Variants in LY6G5C observed in about 807,000 individuals in gnomAD.
LY6G5C encodes the protein lymphocyte antigen 6 complex locus protein G5c.
LY6G5C carries 6 observed loss-of-function variants against 10.5 expected under a neutral mutation model. The ratio of observed to expected loss-of-function variants is 0.57; its 90% CI spans 0.31 to 1.12. LY6G5C has a LOEUF of 1.12. Ranked by LOEUF, LY6G5C falls within the 50% of genes most tolerant of loss-of-function variation. LY6G5C has a pLI of 0.05. For missense variants in LY6G5C, 160 were observed against 185.5 expected, an observed-to-expected ratio of 0.86 and a Z score of 0.80; for synonymous variants, 69 against 67.8, an observed-to-expected ratio of 1.02 and a Z score of -0.09.
intron 2 of LY6G5C, 35 bp from the exon 3 acceptor site, chr6:31,677,155 G>C (rs1279898008): frequency 6.2e-7 from 1 of 1,606,436 alleles, no homozygotes; most frequent in Non-Finnish European, 8.5e-7. Context: ...TGATACGGAA[G>C]TCCCCAGGAA....
Position 31,679,400 on chromosome 6 carries a change from C to A in LY6G5C, c.122-132G>T, listed in dbSNP as rs537579429. ...TCAGAAAACCATCAAAGCCCCAATT[C>A]TCTGCTTCCTTCCCCAACTGCATAC... On this transcript the variant is annotated intron_variant, in intron 1 of 2. Transcript: ENST00000383237. The surrounding 1 kb of genome is among the most constrained non-coding windows in gnomAD (Gnocchi z 4.4). 21 of 960,052 alleles carry A rather than the reference C, an allele frequency of 2.2e-5. No individual in the cohort carries two copies. Among genetic ancestry groups the A allele is most frequent in the Admixed American group, 4.1e-5 (2 of 48,424 alleles). The allele number at this position is 960,052 out of a possible 1,614,324, so 59.5% of individuals were successfully genotyped here. A position where few individuals can be genotyped will look rare whatever the true frequency, so the allele number is the denominator to read the frequency against.
Position 31,679,162 on chromosome 6 carries a change from C to T in LY6G5C, c.228G>A (p.Leu76=). 1.2e-6 allele frequency: 2 copies of T among 1,612,972 alleles called. No individual in the cohort carries two copies. Among genetic ancestry groups the T allele is most frequent in the Non-Finnish European group, 1.7e-6 (2 of 1,180,008 alleles). ...CTGGGGTGAGGCAGATGTCAGATCC[C>T]AGAAGGCACCCTAACTCCTTGGTCT... The change falls in exon 2 of 3, where the codon CTG becomes CTA. Residue 76 remains leucine (L), a synonymous_variant. Transcript: ENST00000383237. This position sits in a 1 kb window ranked among gnomAD's most constrained non-coding sequence, Gnocchi z 4.4.
In LY6G5C at chr6:31,680,330, G is replaced by A. The variant is rs746123755; in HGVS notation, c.44C>T (p.Pro15Leu). The A allele has an allele frequency of 6.2e-7, 1 of 1,610,886 alleles. No homozygotes were observed. The highest frequency in any genetic ancestry group is 8.5e-7 in the Non-Finnish European group (1 of 1,179,862). The change falls in exon 1 of 3, where the codon CCC (proline) becomes CTC (leucine). Residue 15 changes from proline to leucine, a missense_variant. Coordinates refer to ENST00000383237, the Ensembl canonical transcript of LY6G5C. The surrounding 1 kb of genome is among the most constrained non-coding windows in gnomAD (Gnocchi z 4.5). ...TTGGGGGCTGCTGTGGAAGCACAGG[G>A]GACCCAGACTCTGGCTCCCTGCAGG...
intron 2 of LY6G5C, among the ~76,000 whole-genome samples, chr6:31,677,790 C>A (rs559007719): frequency 6.6e-6 from 1 of 151,942 alleles, no homozygotes; most frequent in Admixed American, 6.5e-5. Flanking sequence ...AAATAGTAAA[C>A]AGCATATTTG....
exon 3 of LY6G5C, chr6:31,676,743 A>G: frequency 1.9e-6 from 1 of 524,800 alleles, no homozygotes; most frequent in Admixed American, 3.2e-5. Context: ...ACAAGAGAGG[A>G]AACCTGGTGG....
chr6:31,677,191 A>C, intron 2 of LY6G5C, 71 bp from the exon 3 acceptor site: 4 of 1,426,280 alleles, frequency 2.8e-6, no homozygotes, highest in Non-Finnish European at 2.9e-6. Flanking sequence ...TCATCCCCAC[A>C]CTCATAAGTC....
intron 2 of LY6G5C, among the ~76,000 whole-genome samples, chr6:31,677,894 T>C (rs1180253327): frequency 6.6e-6 from 1 of 152,046 alleles, no homozygotes; most frequent in Non-Finnish European, 1.5e-5. Flanking sequence ...TGGGTTAGGG[T>C]AGTAGCGGGA....
exon 3 of LY6G5C, chr6:31,677,082 T>C: frequency 6.2e-7 from 1 of 1,612,890 alleles, no homozygotes; most frequent in Non-Finnish European, 8.5e-7. Context: ...ATCTGCTCCT[T>C]ACTTCGGCAG....
At chr6:31,678,473 G>C (rs1327257672) in intron 2 of LY6G5C, among the ~76,000 whole-genome samples, 1 of 152,204 alleles carries the variant, frequency 6.6e-6, no homozygotes, top group Non-Finnish European at 1.5e-5. Flanking sequence ...CCATGAAGGA[G>C]ACTGAAGAAG....
At position 31,679,275 on chromosome 6, in the gene LY6G5C, C is replaced by T. The variant is rs1272610370; in HGVS notation, c.122-7G>A. The T allele has an allele frequency of 6.2e-7, 1 of 1,612,988 alleles. No individual in the cohort carries two copies. The highest frequency in any genetic ancestry group is 1.1e-5 in the South Asian group (1 of 91,082). On this transcript the variant is annotated splice_polypyrimidine_tract_variant and splice_region_variant and intron_variant, in intron 1 of 2. Transcript: ENST00000383237. The surrounding 1 kb of genome is among the most constrained non-coding windows in gnomAD (Gnocchi z 4.4). ...TTGACAGGAACAAACTTACCTAGAACACAGAGAAGTGCTGACCCCACTCAC... is the reference window on the plus strand; with the variant it reads ...TTGACAGGAACAAACTTACCTAGAATACAGAGAAGTGCTGACCCCACTCAC...
At chr6:31,678,296 A>G (rs1329116593) in intron 2 of LY6G5C, among the ~76,000 whole-genome samples, 2 of 152,160 alleles carry the variant, frequency 1.3e-5, no homozygotes, top group Non-Finnish European at 2.9e-5. Context: ...GGATATGAGG[A>G]GAGCGGTTTG....
chr6:31,678,899 G>C (rs1802720081), intron 2 of LY6G5C, among the ~76,000 whole-genome samples: 1 of 151,908 alleles, frequency 6.6e-6, no homozygotes, highest in South Asian at 2.1e-4. Context: ...AGAATTGCTT[G>C]AACTGGAGAG....
At position 31,677,134 on chromosome 6, in the gene LY6G5C, G is replaced by T. The variant is rs745316694; in HGVS notation, c.290-14C>A. On this transcript the variant is annotated splice_polypyrimidine_tract_variant and intron_variant, in intron 2 of 2. Transcript: ENST00000383237. Reference sequence around the variant, plus strand: ...CAGAACCGCTGCCTGGGGAGGGACAGTGGGCACCAGTGATACGGAAGTCCC... The same window carrying T: ...CAGAACCGCTGCCTGGGGAGGGACATTGGGCACCAGTGATACGGAAGTCCC... 1 of 1,611,212 alleles carries T rather than the reference G, an allele frequency of 6.2e-7. No individual in the cohort carries two copies. The highest frequency in any genetic ancestry group is 1.1e-5 in the South Asian group (1 of 91,026).
In LY6G5C at chr6:31,680,276, A is replaced by C; in HGVS notation, c.98T>G (p.Leu33Arg). The C allele has an allele frequency of 6.2e-7, 1 of 1,612,888 alleles. No individual in the cohort carries two copies. Among genetic ancestry groups the C allele is most frequent in the Non-Finnish European group, 8.5e-7 (1 of 1,180,010 alleles). Residue 33 changes from leucine to arginine, a missense_variant, in exon 1 of 3, where the codon CTG (leucine) becomes CGG (arginine). By Grantham distance (102) the Leu-to-Arg change is moderately radical. Coordinates refer to ENST00000383237, the Ensembl canonical transcript of LY6G5C. The surrounding 1 kb of genome is among the most constrained non-coding windows in gnomAD (Gnocchi z 4.5). ...ACCAAACACCAAGCTCATCATGACC[A>C]GCACTATTAAGAGGACCGTGTAGAG... is the stretch of plus-strand genomic sequence containing the variant.
chr6:31,678,191 C>T (rs774724329), intron 2 of LY6G5C, among the ~76,000 whole-genome samples: 1 of 152,154 alleles, frequency 6.6e-6, no homozygotes, highest in Non-Finnish European at 1.5e-5. Flanking sequence ...TTATGTGTTA[C>T]GTTTTTGCTA....
Position 31,679,438 on chromosome 6 carries a change from C to G in LY6G5C, c.122-170G>C. ...CCCAACTGCATACACATACATCCCC[C>G]TTTTCCTCTGGTCCTAAGGCCAGAC... On this transcript the variant is annotated intron_variant, in intron 1 of 2. Transcript: ENST00000383237. This position sits in a 1 kb window ranked among gnomAD's most constrained non-coding sequence, Gnocchi z 4.4. 1 of 691,924 alleles carries G rather than the reference C, an allele frequency of 1.4e-6. No homozygotes were observed. The highest frequency in any genetic ancestry group is 2.5e-6 in the Non-Finnish European group (1 of 401,022). 42.9% of individuals were successfully genotyped at this position (691,924 alleles called of 1,614,324 possible).
In LY6G5C at chr6:31,680,250, T is replaced by C; in HGVS notation, c.121+3A>G. The C allele has an allele frequency of 6.2e-7, 1 of 1,612,588 alleles. No individual in the cohort carries two copies. Among genetic ancestry groups the C allele is most frequent in the Non-Finnish European group, 8.5e-7 (1 of 1,179,984 alleles). ...ACCCTTCTGAACCCTTGGAGCCACTTACCAAACACCAAGCTCATCATGACC... is the reference window on the plus strand; with the variant it reads ...ACCCTTCTGAACCCTTGGAGCCACTCACCAAACACCAAGCTCATCATGACC... On this transcript the variant is annotated splice_donor_region_variant and intron_variant, in intron 1 of 2. Transcript: ENST00000383237. This position sits in a 1 kb window ranked among gnomAD's most constrained non-coding sequence, Gnocchi z 4.5.
chr6:31,676,849 C>T, exon 3 of LY6G5C: 1 of 1,081,946 alleles, frequency 9.2e-7, no homozygotes. Context: ...TGGAGGGAGG[C>T]AAGGAGGGCT....
At chr6:31,677,382 T>C (rs1485258129) in intron 2 of LY6G5C, among the ~76,000 whole-genome samples, 1 of 152,160 alleles carries the variant, frequency 6.6e-6, no homozygotes, top group Admixed American at 6.5e-5. Flanking sequence ...ACTAGCACCA[T>C]AGGACCATGT....
Sources: gnomAD v4.1 joint callset for allele counts (sites outside exome capture counted in the v4.1 genomes callset) on GRCh38, gnomAD v4.1.1 for gene constraint, Gnocchi (gnomAD v3.1) non-coding constraint, MANE v1.5 for transcripts, NCBI Gene and HGNC (gene_info 2026-07-23, HGNC 2026-07-21) for gene names.